The following ARHGAP15 variants were observed in gnomAD, a reference collection of about 807,000 sequenced individuals.
The protein encoded by ARHGAP15 is rho GTPase-activating protein 15.
Under a neutral mutation model 63.7 loss-of-function variants are expected in ARHGAP15, and 51 were observed. That is an observed-to-expected ratio of 0.80 (90% CI 0.64 to 1.01). ARHGAP15 has a LOEUF of 1.01. ARHGAP15 is among the 50% of genes least tolerant of loss of function. The pLI is 0.00. For missense variants in ARHGAP15, 560 were observed against 564.6 expected, an observed-to-expected ratio of 0.99 and a Z score of 0.08; for synonymous variants, 191 against 193.8, an observed-to-expected ratio of 0.99 and a Z score of 0.12.
intron 6 of ARHGAP15, among the ~76,000 whole-genome samples, chr2:143,281,368 C>T (rs1681841234): frequency 6.6e-6 from 1 of 152,028 alleles, no homozygotes; most frequent in Non-Finnish European, 1.5e-5. Context: ...GTCTTTTATA[C>T]AGAAAGTGCT....
At chr2:143,487,652 C>G (rs965397911) in intron 9 of ARHGAP15, among the ~76,000 whole-genome samples, 157 bp downstream of exon 9, 3 of 152,026 alleles carry the variant, frequency 2.0e-5, no homozygotes, top group African/African-American at 7.3e-5. Context: ...AAATAATTGT[C>G]CAGAAAACAG....
intron 8 of ARHGAP15, among the ~76,000 whole-genome samples, chr2:143,450,396 A>G (rs926967365): frequency 3.3e-5 from 5 of 151,916 alleles, no homozygotes; most frequent in East Asian, 1.9e-4. Context: ...ACAATTACAT[A>G]AAAGTGATTA....
chr2:143,746,970 T>C (rs1304946188), intron 13 of ARHGAP15, among the ~76,000 whole-genome samples: 1 of 152,200 alleles, frequency 6.6e-6, no homozygotes, highest in African/African-American at 2.4e-5. Context: ...CTCTAAGCCC[T>C]GAATGGATGC....
intron 6 of ARHGAP15, among the ~76,000 whole-genome samples, chr2:143,306,614 AAAC>A (rs1383098008): frequency 2.0e-5 from 3 of 152,168 alleles, no homozygotes; most frequent in African/African-American, 7.2e-5. Context: ...AGGATCTATA[AAAC>A]AAGTATAACT....
chr2:143,245,638 G>T (rs1310000330), intron 5 of ARHGAP15, among the ~76,000 whole-genome samples: 2 of 150,874 alleles, frequency 1.3e-5, no homozygotes, highest in Non-Finnish European at 3.0e-5. Flanking sequence ...TTTTTTAAAC[G>T]GGTAATGAAC....
rs560197234 is a variant in ARHGAP15, at chr2:143,246,373, GT to G, written c.385-4136del. Among the ~76,000 whole-genome samples the G allele has an allele frequency of 1.8e-4, 28 of 152,058 alleles. 1 individual carries two copies. The East Asian group carries it at 5.1e-3, about 27-fold the overall frequency. On this transcript the variant is annotated intron_variant, in intron 5 of 13. Coordinates refer to ENST00000295095, the MANE Select transcript of ARHGAP15 (RefSeq NM_018460.4). ...CAGACTAAGTATGAAAGTGGGAAGA[GT>G]TGTGACTGTTCCAGCACAAGGGCTG... is the stretch of plus-strand genomic sequence containing the variant.
chr2:143,216,334 A>G (rs749331213), intron 3 of ARHGAP15, 50 bp from the exon 4 acceptor site: 35 of 1,372,968 alleles, frequency 2.5e-5, no homozygotes, highest in Non-Finnish European at 3.5e-5. Flanking sequence ...ATTCAAATCA[A>G]CAATGCATAG....
At chr2:143,336,107 C>A (rs1244931375) in intron 6 of ARHGAP15, among the ~76,000 whole-genome samples, 1 of 152,116 alleles carries the variant, frequency 6.6e-6, no homozygotes, top group East Asian at 1.9e-4. Context: ...CTCAAGCGAT[C>A]CTCCTGCCTC....
chr2:143,752,370 C>T (rs1001815606), intron 13 of ARHGAP15, among the ~76,000 whole-genome samples: 5 of 152,216 alleles, frequency 3.3e-5, no homozygotes, highest in African/African-American at 1.2e-4. Flanking sequence ...CACAACCTCC[C>T]ACTATTATTT....
chr2:143,327,587 A>G (rs1023085352), intron 6 of ARHGAP15, among the ~76,000 whole-genome samples: 9 of 152,178 alleles, frequency 5.9e-5, no homozygotes, highest in Non-Finnish European at 2.9e-5. Flanking sequence ...CCCCTTCCCT[A>G]CACCTTATAC....
intron 12 of ARHGAP15, among the ~76,000 whole-genome samples, chr2:143,687,207 T>C (rs962976781): frequency 6.6e-6 from 1 of 151,324 alleles, no homozygotes; most frequent in Non-Finnish European, 1.5e-5. Context: ...GCTTAAAGGC[T>C]CAGGTATGAG....
chr2:143,298,638 T>C (rs1466569856), intron 6 of ARHGAP15, among the ~76,000 whole-genome samples: 1 of 151,960 alleles, frequency 6.6e-6, no homozygotes, highest in East Asian at 1.9e-4. Context: ...ATACTACTTT[T>C]AGGAAAAGAT....
intron 6 of ARHGAP15, among the ~76,000 whole-genome samples, chr2:143,356,632 TGAA>T (rs1685820953): frequency 6.6e-6 from 1 of 152,126 alleles, no homozygotes; most frequent in African/African-American, 2.4e-5. Context: ...CCCAACTCCC[TGAA>T]GAAGAAAAAG....
intron 11 of ARHGAP15, among the ~76,000 whole-genome samples, chr2:143,595,872 A>G (rs1342404003): frequency 6.6e-6 from 1 of 152,180 alleles, no homozygotes; most frequent in East Asian, 1.9e-4. Flanking sequence ...CAATCTTCCA[A>G]AGTATTGTCT....
intron 11 of ARHGAP15, among the ~76,000 whole-genome samples, chr2:143,586,848 C>G (rs1281604442): frequency 6.6e-6 from 1 of 152,020 alleles, no homozygotes; most frequent in Non-Finnish European, 1.5e-5. Context: ...CTCAATTACT[C>G]TAATTCTTGA....
At chr2:143,319,188 C>T (rs1049203758) in intron 6 of ARHGAP15, among the ~76,000 whole-genome samples, 2 of 150,352 alleles carry the variant, frequency 1.3e-5, no homozygotes, top group Non-Finnish European at 3.0e-5. Context: ...TTCCACTCCC[C>T]TCTTGTGCAT....
At chr2:143,689,711 C>CT (rs924697104) in intron 12 of ARHGAP15, among the ~76,000 whole-genome samples, 1 of 152,162 alleles carries the variant, frequency 6.6e-6, no homozygotes, top group Admixed American at 6.5e-5. Flanking sequence ...CTGTGGCACT[C>CT]TAAAAGATAA....
At chr2:143,467,274 T>G (rs1691271852) in intron 8 of ARHGAP15, among the ~76,000 whole-genome samples, 1 of 149,724 alleles carries the variant, frequency 6.7e-6, no homozygotes. Flanking sequence ...TTGCAGTCTT[T>G]TGTTTGATTC....
At chr2:143,272,638 T>G (rs1004009338) in intron 6 of ARHGAP15, among the ~76,000 whole-genome samples, 44 of 152,146 alleles carry the variant, frequency 2.9e-4, no homozygotes, top group African/African-American at 1.0e-3. Flanking sequence ...GGCAACAGAA[T>G]GAGACTGCGT....
Sources: allele counts gnomAD v4.1 joint callset (sites outside exome capture counted in the v4.1 genomes callset), GRCh38; gene constraint gnomAD v4.1.1; transcripts MANE v1.5; gene names NCBI Gene and HGNC (gene_info 2026-07-23, HGNC 2026-07-21).